The following FSTL5 variants were observed in gnomAD, a reference collection of about 807,000 sequenced individuals.
FSTL5 encodes the protein follistatin like 5, also known as follistatin-related protein 5.
FSTL5 carries 62 observed loss-of-function variants against 89.1 expected under a neutral mutation model. That is an observed-to-expected ratio of 0.70 (90% CI 0.57 to 0.86). The LOEUF (loss-of-function observed/expected upper bound fraction) is 0.86. FSTL5 is among the 40% of genes least tolerant of loss of function. The probability of loss-of-function intolerance (pLI) is 0.00; values close to 1 mark genes in which losing one functional copy is unlikely to be tolerated. For synonymous variants in FSTL5, 383 were observed against 346.2 expected (o/e 1.11, Z -1.18); for missense variants, 1,057 against 1,001.6 (o/e 1.06, Z -0.75).
chr4:161,711,450 C>G (rs1738774981), intron 6 of FSTL5, among the ~76,000 whole-genome samples: 1 of 151,736 alleles, frequency 6.6e-6, no homozygotes, highest in Admixed American at 6.6e-5. Context: ...AATACAGAAA[C>G]AGATCAATTA....
intron 7 of FSTL5, among the ~76,000 whole-genome samples, chr4:161,630,259 G>A (rs1286799650): frequency 1.3e-5 from 2 of 152,154 alleles, no homozygotes; most frequent in South Asian, 2.1e-4. Context: ...GTGGGAAAAT[G>A]AACAGTGCGG....
At chr4:161,484,485 A>C (rs951189810) in intron 12 of FSTL5, among the ~76,000 whole-genome samples, 1 of 152,198 alleles carries the variant, frequency 6.6e-6, no homozygotes, top group Non-Finnish European at 1.5e-5. Flanking sequence ...TTTAAGAAAC[A>C]CTTCATAAAA....
intron 4 of FSTL5, among the ~76,000 whole-genome samples, chr4:161,784,130 T>G (rs1448909166): frequency 6.6e-6 from 1 of 151,738 alleles, no homozygotes; most frequent in African/African-American, 2.4e-5. Context: ...TAGATGGGGT[T>G]TTGCCATGTT....
intron 3 of FSTL5, among the ~76,000 whole-genome samples, chr4:161,924,658 A>T (rs116559218): frequency 0.031 from 4,721 of 151,734 alleles, 124 homozygotes; most frequent in Admixed American, 0.039. Flanking sequence ...CCTCACAAAC[A>T]ATGTACCATG....
intron 1 of FSTL5, among the ~76,000 whole-genome samples, chr4:162,123,754 G>C (rs17538626): frequency 0.14 from 21,248 of 151,956 alleles, 2,061 homozygotes; most frequent in Non-Finnish European, 0.19. Context: ...AATTGAGTTT[G>C]TTTTCAGCAA....
chr4:161,899,695 G>A (rs1202725637), intron 4 of FSTL5, among the ~76,000 whole-genome samples: 1 of 152,156 alleles, frequency 6.6e-6, no homozygotes, highest in African/African-American at 2.4e-5. Flanking sequence ...GGGGAAGGGG[G>A]AGACAGAGAA....
At chr4:161,908,875 A>G (rs1159949421) in intron 4 of FSTL5, among the ~76,000 whole-genome samples, 1 of 152,148 alleles carries the variant, frequency 6.6e-6, no homozygotes, top group East Asian at 1.9e-4. Flanking sequence ...GTAACTGTCC[A>G]TCCATACCAT....
At chr4:161,460,124 C>T (rs1366315299) in intron 13 of FSTL5, among the ~76,000 whole-genome samples, 1 of 151,974 alleles carries the variant, frequency 6.6e-6, no homozygotes, top group East Asian at 1.9e-4. Context: ...AACTATGTAG[C>T]ATAAAACAAA....
At chr4:161,784,020 C>G (rs1214402528) in intron 4 of FSTL5, among the ~76,000 whole-genome samples, 1 of 151,614 alleles carries the variant, frequency 6.6e-6, no homozygotes, top group Non-Finnish European at 1.5e-5. Context: ...ACTGCAGCCT[C>G]CATCTCCCAG....
chr4:161,747,568 T>A (rs10517753), intron 6 of FSTL5, among the ~76,000 whole-genome samples: 1 of 152,116 alleles, frequency 6.6e-6, no homozygotes, highest in South Asian at 2.1e-4. Flanking sequence ...ATTTGTAATC[T>A]GCAACTTCTG....
chr4:161,846,801 T>G (rs1332741172), intron 4 of FSTL5, among the ~76,000 whole-genome samples: 1 of 152,168 alleles, frequency 6.6e-6, no homozygotes, highest in African/African-American at 2.4e-5. Flanking sequence ...CATTACCACT[T>G]CTCTATGCAG....
At chr4:161,784,910 A>AAAAAAG in intron 4 of FSTL5, among the ~76,000 whole-genome samples, 2 of 127,744 alleles carry the variant, frequency 1.6e-5, no homozygotes, top group South Asian at 2.5e-4. Flanking sequence ...ACAAAAACAA[A>AAAAAAG]CAAACAAAAA....
chr4:161,610,571 A>G (rs2126634723), intron 7 of FSTL5, among the ~76,000 whole-genome samples: 1 of 152,302 alleles, frequency 6.6e-6, no homozygotes, highest in Middle Eastern at 3.4e-3. Flanking sequence ...ATCTAATAAA[A>G]GACTGAGCTG....
intron 7 of FSTL5, among the ~76,000 whole-genome samples, chr4:161,595,528 T>G (rs1233724237): frequency 6.6e-6 from 1 of 152,070 alleles, no homozygotes; most frequent in Admixed American, 6.6e-5. Flanking sequence ...TTTTTCAAGG[T>G]AGTGCAAATG....
intron 2 of FSTL5, among the ~76,000 whole-genome samples, chr4:162,061,693 C>T (rs986196284): frequency 2.8e-4 from 43 of 152,010 alleles, no homozygotes; most frequent in Non-Finnish European, 1.5e-4. Flanking sequence ...AACCAAAGCA[C>T]GCAGTCCTTC....
At chr4:162,109,993 G>C (rs1376178681) in intron 2 of FSTL5, among the ~76,000 whole-genome samples, 1 of 151,902 alleles carries the variant, frequency 6.6e-6, no homozygotes, top group Non-Finnish European at 1.5e-5. Context: ...CCATGAGGTA[G>C]GAGAAAGCAT....
intron 6 of FSTL5, among the ~76,000 whole-genome samples, chr4:161,731,277 G>A (rs1447987785): frequency 2.6e-5 from 4 of 151,888 alleles, no homozygotes. Context: ...TATCCCCAAC[G>A]TCACACCTTC....
chr4:162,119,959 A>C (rs1438910630), intron 1 of FSTL5, among the ~76,000 whole-genome samples: 1 of 152,162 alleles, frequency 6.6e-6, no homozygotes, highest in Non-Finnish European at 1.5e-5. Flanking sequence ...TACACAGTAC[A>C]CTTTTTTTCT....
At chr4:161,819,767 A>C (rs955460088) in intron 4 of FSTL5, among the ~76,000 whole-genome samples, 2 of 152,210 alleles carry the variant, frequency 1.3e-5, no homozygotes, top group East Asian at 3.9e-4. Flanking sequence ...TAAATAGCAT[A>C]TTCTAATAAA....
Sources: gnomAD v4.1 joint callset for allele counts (sites outside exome capture counted in the v4.1 genomes callset) on GRCh38, gnomAD v4.1.1 for gene constraint, MANE v1.5 for transcripts, NCBI Gene and HGNC (gene_info 2026-07-23, HGNC 2026-07-21) for gene names.